Variants in VWA8 observed in about 807,000 individuals in gnomAD.
VWA8 encodes von Willebrand factor A domain-containing protein 8.
VWA8 carries 221 observed loss-of-function variants against 241.5 expected under a neutral mutation model. The ratio of observed to expected loss-of-function variants is 0.91; its 90% CI spans 0.82 to 1.02. The LOEUF is 1.02. Ranked by LOEUF, VWA8 falls within the 50% of genes least tolerant of loss-of-function variation. The pLI is 0.00. For missense variants in VWA8, 2,322 were observed against 2,328.7 expected, an observed-to-expected ratio of 1.00 and a Z score of 0.06; for synonymous variants, 852 against 827.1, an observed-to-expected ratio of 1.03 and a Z score of -0.52.
intron 41 of VWA8, among the ~76,000 whole-genome samples, chr13:41,589,084 T>C (rs2044438119): frequency 6.6e-6 from 1 of 151,922 alleles, no homozygotes; most frequent in East Asian, 1.9e-4. Flanking sequence ...AAGGAGTGAC[T>C]CTCCCTTCCC....
At chr13:41,879,256 T>C (rs1406755987) in intron 9 of VWA8, among the ~76,000 whole-genome samples, 1 of 152,068 alleles carries the variant, frequency 6.6e-6, no homozygotes, top group African/African-American at 2.4e-5. Flanking sequence ...TCCTGACTCC[T>C]TGAGCCTATG....
intron 38 of VWA8, 53 bp downstream of exon 38, chr13:41,614,922 TG>T: frequency 1.9e-6 from 3 of 1,578,554 alleles, no homozygotes; most frequent in Non-Finnish European, 2.6e-6. Context: ...GCTGGCCTAA[TG>T]GGCTTGGGAA....
intron 14 of VWA8, among the ~76,000 whole-genome samples, chr13:41,821,124 A>G (rs1870936954): frequency 6.6e-6 from 1 of 152,232 alleles, no homozygotes; most frequent in African/African-American, 2.4e-5. Flanking sequence ...GTGGAGCTGT[A>G]AAATTAGAAC....
At chr13:41,920,174 G>A (rs150337271) in intron 2 of VWA8, among the ~76,000 whole-genome samples, 2 of 152,266 alleles carry the variant, frequency 1.3e-5, no homozygotes, top group African/African-American at 4.8e-5. Context: ...TAATTAGTGT[G>A]TGACATCTCA....
intron 40 of VWA8, among the ~76,000 whole-genome samples, chr13:41,600,380 A>T (rs1359249410): frequency 6.6e-6 from 1 of 152,030 alleles, no homozygotes; most frequent in Non-Finnish European, 1.5e-5. Flanking sequence ...CCATGTCTTG[A>T]GTGATGAGCC....
intron 37 of VWA8, among the ~76,000 whole-genome samples, chr13:41,625,529 G>T (rs1262831816): frequency 6.6e-6 from 1 of 152,182 alleles, no homozygotes; most frequent in Non-Finnish European, 1.5e-5. Flanking sequence ...AAACCACAAT[G>T]AGATACCATC....
chr13:41,810,519 T>C (rs1376378656), intron 17 of VWA8, among the ~76,000 whole-genome samples: 3 of 152,036 alleles, frequency 2.0e-5, no homozygotes, highest in Non-Finnish European at 4.4e-5. Context: ...AAATAAGCCA[T>C]GCATAGAAAG....
In VWA8 at chr13:41,947,962, AAC is replaced by A. The variant is rs1314478180; in HGVS notation, c.241+1972_241+1973del. 6.7e-5 allele frequency among the ~76,000 whole-genome samples: 10 copies of A among 149,076 alleles called. 2 individuals are homozygous for A. Among genetic ancestry groups the A allele is most frequent in the East Asian group, 5.9e-4 (3 of 5,074 alleles). ...AAAAAAAAAAAAAAAAACAAAACAA[AAC>A]ATTTTGGTAATTCCTTGAAATGTTA... is the stretch of plus-strand genomic sequence containing the variant. On this transcript the variant is annotated intron_variant, in intron 2 of 44. Transcript: ENST00000379310.
At chr13:41,769,309 C>T (rs1566449481) in intron 20 of VWA8, among the ~76,000 whole-genome samples, 1 of 152,034 alleles carries the variant, frequency 6.6e-6, no homozygotes, top group African/African-American at 2.4e-5. Context: ...ATTGTGGTCA[C>T]ATTAGAGCTA....
chr13:41,775,190 A>G (rs948202865), intron 20 of VWA8, among the ~76,000 whole-genome samples: 1 of 152,212 alleles, frequency 6.6e-6, no homozygotes, highest in African/African-American at 2.4e-5. Flanking sequence ...CTTTTTCACT[A>G]TATAATATAA....
chr13:41,733,874 TAAAC>T (rs372343161), intron 21 of VWA8, among the ~76,000 whole-genome samples: 124 of 152,288 alleles, frequency 8.1e-4, no homozygotes, highest in East Asian at 7.1e-3. Context: ...ATGAATGAAA[TAAAC>T]AAAATATATG....
intron 40 of VWA8, among the ~76,000 whole-genome samples, chr13:41,599,124 C>A (rs2044506225): frequency 6.6e-6 from 1 of 152,090 alleles, no homozygotes. Flanking sequence ...CAGCTCTCTA[C>A]TTTGTTTTTA....
At chr13:41,866,808 G>A (rs1301362196) in intron 10 of VWA8, among the ~76,000 whole-genome samples, 1 of 152,130 alleles carries the variant, frequency 6.6e-6, no homozygotes, top group African/African-American at 2.4e-5. Context: ...TAAAAGTCAA[G>A]TCCACAAATC....
intron 12 of VWA8, among the ~76,000 whole-genome samples, chr13:41,838,686 T>C (rs542441429): frequency 6.6e-6 from 1 of 152,072 alleles, no homozygotes; most frequent in East Asian, 1.9e-4. Context: ...GCAAAATATA[T>C]CTGAACAGTC....
Position 41,824,991 on chromosome 13 carries a change from C to A in VWA8, c.1700+5538G>T, listed in dbSNP as rs182755941. On this transcript the variant is annotated intron_variant, in intron 14 of 44. Transcript: ENST00000379310. ...GGAAAAGAAAAGGCCAAGGAGAAAA[C>A]CCTGGGAGCTACCAATTTAAACAAT... Among the ~76,000 whole-genome samples, 73 of 151,944 alleles carry A rather than the reference C, an allele frequency of 4.8e-4. 1 individual carries two copies. The East Asian group carries it at 8.0e-3, about 17-fold the overall frequency.
At chr13:41,920,804 A>T (rs1188955254) in intron 2 of VWA8, among the ~76,000 whole-genome samples, 1 of 152,200 alleles carries the variant, frequency 6.6e-6, no homozygotes, top group Non-Finnish European at 1.5e-5. Flanking sequence ...TAGGCTACCA[A>T]CCAAAAAAAG....
chr13:41,573,217 G>A (rs1395681533), intron 43 of VWA8, among the ~76,000 whole-genome samples: 1 of 151,396 alleles, frequency 6.6e-6, no homozygotes, highest in Non-Finnish European at 1.5e-5. Context: ...AGACCAGCCT[G>A]GCCAACATAA....
At chr13:41,838,272 TTG>T (rs951414961) in intron 12 of VWA8, among the ~76,000 whole-genome samples, 1 of 152,042 alleles carries the variant, frequency 6.6e-6, no homozygotes, top group African/African-American at 2.4e-5. Context: ...TACAAAGTGG[TTG>T]TGTGTACAGT....
chr13:41,742,090 G>C (rs1425961243), intron 21 of VWA8, among the ~76,000 whole-genome samples: 1 of 152,222 alleles, frequency 6.6e-6, no homozygotes, highest in East Asian at 1.9e-4. Context: ...TCACATGGAA[G>C]GATGTAGAGC....
Sources: gnomAD v4.1 joint callset for allele counts (sites outside exome capture counted in the v4.1 genomes callset) on GRCh38, gnomAD v4.1.1 for gene constraint, MANE v1.5 for transcripts, NCBI Gene and HGNC (gene_info 2026-07-23, HGNC 2026-07-21) for gene names.